NF1: variants seen among roughly 807,000 people sequenced by gnomAD.
NF1 encodes the protein neurofibromin.
In NF1, 122 loss-of-function variants were observed where a neutral mutation model predicts 325.7. The observed-to-expected ratio is 0.37, with a 90% confidence interval of 0.32 to 0.44. The LOEUF (loss-of-function observed/expected upper bound fraction) is 0.44. NF1 is among the 20% of genes least tolerant of loss of function. The pLI is 1.00. For synonymous variants in NF1, 1,091 were observed against 1,186.0 expected (o/e 0.92, Z 1.65); for missense variants, 2,140 against 3,415.4 (o/e 0.63, Z 9.31).
In NF1 at chr17:31,229,466, G is replaced by A. The variant is rs1131691122; in HGVS notation, c.2850+1G>A. On this transcript the variant is annotated splice_donor_variant, in intron 21 of 57. Transcript: ENST00000358273. LOFTEE classifies it high-confidence loss of function. ...CAAGTTTTTTGACTCCCAAGGACAG[G>A]TAAAGTGTTCTCTTATTTTTCACCT... The A allele has an allele frequency of 6.2e-7, 1 of 1,613,182 alleles. No individual in the cohort carries two copies. Among genetic ancestry groups the A allele is most frequent in the Non-Finnish European group, 8.5e-7 (1 of 1,179,258 alleles).
intron 36 of NF1, chr17:31,318,400 G>T: frequency 3.7e-6 from 6 of 1,613,922 alleles, no homozygotes; most frequent in Non-Finnish European, 5.1e-6. Context: ...CACTAGGTTG[G>T]GTCCTGTGAG....
At chr17:31,169,038 G>A (rs993280350) in intron 4 of NF1, among the ~76,000 whole-genome samples, 7 of 152,118 alleles carry the variant, frequency 4.6e-5, no homozygotes, top group African/African-American at 1.7e-4. Context: ...TAACAGTTGC[G>A]AAAGGTTACC....
chr17:31,100,917 G>T (rs1345890336), intron 1 of NF1, among the ~76,000 whole-genome samples: 1 of 152,134 alleles, frequency 6.6e-6, no homozygotes, highest in Non-Finnish European at 1.5e-5. Context: ...TCAGTTCTCT[G>T]CACTCCCTTA....
chr17:31,169,094 A>C (rs2065891678), intron 4 of NF1, among the ~76,000 whole-genome samples: 3 of 152,074 alleles, frequency 2.0e-5, no homozygotes, highest in Admixed American at 1.3e-4. Context: ...GTGTGTTTTA[A>C]TTTATTGTAT....
chr17:31,212,433 G>C (rs2066745186), intron 12 of NF1, among the ~76,000 whole-genome samples: 1 of 152,230 alleles, frequency 6.6e-6, no homozygotes, highest in African/African-American at 2.4e-5. Context: ...AGTAGGCTGG[G>C]CCTGGTGGCT....
Position 31,219,089 on chromosome 17 carries a change from A to G in NF1, c.1612A>G (p.Met538Val). 1 of 1,613,828 alleles carries G rather than the reference A, an allele frequency of 6.2e-7. No individual in the cohort carries two copies. The highest frequency in any genetic ancestry group is 1.1e-5 in the South Asian group (1 of 91,000). The change falls in exon 14 of 58, where the codon ATG becomes GTG. Residue 538 changes from methionine to valine, a missense_variant. Met to Val is a conservative substitution (Grantham distance 21). Transcript: ENST00000358273. ...GLVQLVPQSH[M>V]PEIAQEAMEA... ...CGTCCAACTGGTCCCTCAGTCACAC[A>G]TGCCAGAGATTGCTCAGGAAGCAAT...
At chr17:31,186,189 T>C (rs1385496038) in intron 8 of NF1, among the ~76,000 whole-genome samples, 3 of 152,078 alleles carry the variant, frequency 2.0e-5, no homozygotes, top group Non-Finnish European at 4.4e-5. Context: ...AGGAAGTGGC[T>C]CAAATGCCCA....
chr17:31,348,173 C>T (rs2070044923), intron 48 of NF1, among the ~76,000 whole-genome samples: 1 of 96,030 alleles, frequency 1.0e-5, no homozygotes, highest in Non-Finnish European at 2.2e-5. Context: ...AGTAGTTATG[C>T]CATAGAGAAA....
intron 52 of NF1, 99 bp downstream of exon 52, chr17:31,356,681 G>A (rs2151581594): frequency 6.6e-7 from 1 of 1,508,982 alleles, no homozygotes; most frequent in Non-Finnish European, 9.0e-7. Context: ...TCTTTAGAGT[G>A]AAATATAGAA....
chr17:31,222,357 T>C, intron 15 of NF1: 1 of 1,037,740 alleles, frequency 9.6e-7, no homozygotes, highest in East Asian at 6.0e-5. Context: ...GAATTAATAA[T>C]GGACACCTGC....
intron 1 of NF1, among the ~76,000 whole-genome samples, chr17:31,100,803 C>T (rs576919161): frequency 2.0e-4 from 31 of 152,032 alleles, no homozygotes; most frequent in Non-Finnish European, 3.7e-4. Flanking sequence ...TTCTTGATGT[C>T]GTGATCCACC....
At chr17:31,364,320 G>T (rs1468701499) in intron 57 of NF1, among the ~76,000 whole-genome samples, 1 of 152,122 alleles carries the variant, frequency 6.6e-6, no homozygotes, top group Non-Finnish European at 1.5e-5. Flanking sequence ...AGGTTCCATT[G>T]CCCTATTTCA....
chr17:31,106,551 A>T (rs1222558787), intron 1 of NF1, among the ~76,000 whole-genome samples: 1 of 152,254 alleles, frequency 6.6e-6, no homozygotes, highest in Admixed American at 6.5e-5. Flanking sequence ...TTTTACTAAC[A>T]GGTAGTACAA....
chr17:31,245,986 A>G (rs2067383252), intron 29 of NF1, among the ~76,000 whole-genome samples: 1 of 152,162 alleles, frequency 6.6e-6, no homozygotes, highest in African/African-American at 2.4e-5. Context: ...TCATTATCAT[A>G]TAAAAGACAC....
intron 36 of NF1, chr17:31,296,372 G>A: frequency 6.2e-7 from 1 of 1,611,966 alleles, no homozygotes; most frequent in Admixed American, 1.7e-5. Context: ...CTTTTAATAT[G>A]CAAATACAGT....
Position 31,336,264 on chromosome 17 carries a change from G to T in NF1, c.6007-69G>T, listed in dbSNP as rs2151552927. On this transcript the variant is annotated intron_variant, in intron 40 of 57. Transcript: ENST00000358273. The surrounding 1 kb of genome is among the most constrained non-coding windows in gnomAD (Gnocchi z 5.5). ...TTCATATTGATTAGGCTGTTCCAATGAATATTTTTTAATTAAAAATTAAAT... is the reference window on the plus strand; with the variant it reads ...TTCATATTGATTAGGCTGTTCCAATTAATATTTTTTAATTAAAAATTAAAT... The T allele has an allele frequency of 1.3e-6, 2 of 1,525,274 alleles. No individual in the cohort carries two copies. Among genetic ancestry groups the T allele is most frequent in the South Asian group, 2.3e-5 (2 of 86,264 alleles). The allele number at this position is 1,525,274 out of a possible 1,614,324, so 94.5% of individuals were successfully genotyped here.
chr17:31,330,670 T>G, intron 39 of NF1, 172 bp downstream of exon 39: 1 of 608,766 alleles, frequency 1.6e-6, no homozygotes, highest in Non-Finnish European at 2.8e-6. Context: ...GAAGGAACTT[T>G]TTGGTAGGCC....
intron 40 of NF1, among the ~76,000 whole-genome samples, chr17:31,335,283 T>TA (rs1555534471): frequency 2.5e-5 from 1 of 40,500 alleles, no homozygotes; most frequent in African/African-American, 4.4e-5. Context: ...ATTATATATA[T>TA]ATATATATAT....
At chr17:31,305,500 A>G in intron 36 of NF1, 4 of 1,614,216 alleles carry the variant, frequency 2.5e-6, no homozygotes, top group Non-Finnish European at 3.4e-6. Context: ...TGATGATGTG[A>G]ATAAGGTAGG....
Sources: allele counts gnomAD v4.1 joint callset (sites outside exome capture counted in the v4.1 genomes callset), GRCh38; gene constraint gnomAD v4.1.1; non-coding constraint Gnocchi (gnomAD v3.1); transcripts MANE v1.5; gene names NCBI Gene and HGNC (gene_info 2026-07-23, HGNC 2026-07-21).